The following UFD1 variants were observed in gnomAD, a reference collection of about 807,000 sequenced individuals.
UFD1 encodes ubiquitin recognition factor in ER-associated degradation protein 1.
A neutral mutation model predicts 45.9 loss-of-function variants in UFD1; 13 were observed. The observed-to-expected ratio is 0.28, with a 90% CI of 0.18 to 0.45. The LOEUF (loss-of-function observed/expected upper bound fraction) is 0.45. Among genes scored for constraint, UFD1 ranks in the 20% least tolerant of loss-of-function variants. UFD1 has a pLI of 1.00. For synonymous variants in UFD1, 128 were observed against 139.2 expected, an observed-to-expected ratio of 0.92 and a Z score of 0.56; for missense variants, 218 against 389.2, an observed-to-expected ratio of 0.56 and a Z score of 3.70.
chr22:19,451,086 C>CTGGA lies in UFD1; in HGVS notation c.850-346_850-343dup, dbSNP rs557033031. ...GCTATGATTGTGCCACTGCTCCAGC[C>CTGGA]TGGATGGCAGAGCAACAGAGCAAGA... On this transcript the variant is annotated intron_variant, in intron 11 of 11. Transcript: ENST00000263202. 5.1e-3 allele frequency: 5,047 copies of CTGGA among 993,694 alleles called. 16 individuals carry two copies. The highest frequency in any genetic ancestry group is 5.7e-3 in the Non-Finnish European group (4,805 of 839,772). The allele number at this position is 993,694 out of a possible 1,614,324, so 61.6% of individuals were successfully genotyped here.
chr22:19,457,970 AG>A (rs1374939549), intron 7 of UFD1, 100 bp downstream of exon 7: 9 of 1,200,106 alleles, frequency 7.5e-6, no homozygotes, highest in Non-Finnish European at 9.9e-6. Context: ...CCAGAGTCCC[AG>A]GGGCTGTTTG....
intron 5 of UFD1, 109 bp from the exon 6 acceptor site, chr22:19,465,383 T>C (rs886683363): frequency 1.1e-6 from 1 of 898,472 alleles, no homozygotes; most frequent in South Asian, 1.5e-5. Flanking sequence ...ATGATGGTAC[T>C]TGAAACACGA....
Position 19,470,914 on chromosome 22 carries a change from C to A in UFD1, c.291+773G>T, listed in dbSNP as rs116930267. On this transcript the variant is annotated intron_variant, in intron 4 of 11. Coordinates refer to ENST00000263202, the MANE Select transcript of UFD1 (RefSeq NM_005659.7). ...AGAGTTTCCAGCCCACAGCTCACTG[C>A]GGGGTCTCTCAGTATGCCTGATGTA... 376 of 441,602 alleles carry A rather than the reference C, an allele frequency of 8.5e-4. 3 individuals carry two copies. In the East Asian group the frequency reaches 0.022, roughly 26 times the overall value. 27.4% of individuals were successfully genotyped at this position (441,602 alleles called of 1,614,324 possible).
chr22:19,454,043 CCCG>C (rs1427842241), intron 11 of UFD1: 1 of 985,618 alleles, frequency 1.0e-6, no homozygotes, highest in Non-Finnish European at 1.2e-6. Context: ...CTTCCTCTGT[CCCG>C]CCACCACCCT....
intron 11 of UFD1, chr22:19,452,195 T>A (rs2089688167): frequency 6.5e-6 from 1 of 154,538 alleles, no homozygotes; most frequent in African/African-American, 2.4e-5. Flanking sequence ...TGTCAGCAGG[T>A]TTGGTTTCCT....
At chr22:19,451,716 G>C in intron 11 of UFD1, 1 of 985,434 alleles carries the variant, frequency 1.0e-6, no homozygotes, top group Non-Finnish European at 1.2e-6. Context: ...ATGTAAATTT[G>C]AGTCACAGCT....
At chr22:19,456,480 A>G in intron 9 of UFD1, 107 bp downstream of exon 9, 6 of 1,481,794 alleles carry the variant, frequency 4.0e-6, no homozygotes, top group Non-Finnish European at 5.7e-6. Flanking sequence ...CCAGAGGCCT[A>G]ACCCCTGCTG....
intron 4 of UFD1, chr22:19,470,077 C>T: frequency 3.9e-6 from 2 of 507,026 alleles, no homozygotes; most frequent in Non-Finnish European, 7.9e-6. Flanking sequence ...AGGTGTTCTA[C>T]CGGATGAGCA....
intron 3 of UFD1, among the ~76,000 whole-genome samples, chr22:19,474,415 G>A (rs1037445092): frequency 3.3e-5 from 5 of 152,046 alleles, no homozygotes; most frequent in Non-Finnish European, 4.4e-5. Flanking sequence ...GCGTGGTGGC[G>A]GGTGCCTGTA....
intron 6 of UFD1, among the ~76,000 whole-genome samples, chr22:19,459,393 T>A (rs1389067689): frequency 6.6e-6 from 1 of 152,134 alleles, no homozygotes; most frequent in Non-Finnish European, 1.5e-5. Context: ...GGAGGGCAGA[T>A]CACGAGGTCA....
chr22:19,469,260 C>G (rs2089826710), intron 4 of UFD1, among the ~76,000 whole-genome samples: 1 of 152,160 alleles, frequency 6.6e-6, no homozygotes, highest in Admixed American at 6.5e-5. Context: ...GCGCACTGTC[C>G]CTGGGTAGAT....
At chr22:19,474,860 T>C (rs1231880188) in intron 3 of UFD1, among the ~76,000 whole-genome samples, 1 of 152,072 alleles carries the variant, frequency 6.6e-6, no homozygotes, top group Admixed American at 6.5e-5. Flanking sequence ...CCCAGGGCAG[T>C]GATGAAGCTG....
At chr22:19,469,919 C>A in intron 4 of UFD1, 1 of 518,198 alleles carries the variant, frequency 1.9e-6, no homozygotes, top group East Asian at 5.5e-5. Context: ...AGAGGCCACC[C>A]AAACTTCAAG....
chr22:19,471,686 C>T lies in UFD1; in HGVS notation c.291+1G>A. ...CTAGAGACCCTGGCAGCCCCACTCA[C>T]CCAGTGTGGGAGGTAGCAGATGCCC... On this transcript the variant is annotated splice_donor_variant, in intron 4 of 11. Transcript: ENST00000263202. LOFTEE classifies it high-confidence loss of function. The T allele has an allele frequency of 6.2e-7, 1 of 1,612,612 alleles. No individual in the cohort carries two copies. Among genetic ancestry groups the T allele is most frequent in the South Asian group, 1.1e-5 (1 of 91,010 alleles).
chr22:19,470,536 G>C (rs1338266708), intron 4 of UFD1: 1 of 350,498 alleles, frequency 2.9e-6, no homozygotes, highest in Non-Finnish European at 5.6e-6. Flanking sequence ...AAGCCTCCTG[G>C]GTTTAAGCCA....
intron 1 of UFD1, among the ~76,000 whole-genome samples, chr22:19,478,075 A>G (rs1328473299): frequency 6.6e-6 from 1 of 152,212 alleles, no homozygotes; most frequent in Non-Finnish European, 1.5e-5. Context: ...TTCTCTTTGA[A>G]TATAAAAGGT....
intron 11 of UFD1, chr22:19,454,181 C>G: frequency 1.0e-6 from 1 of 987,084 alleles, no homozygotes; most frequent in Non-Finnish European, 1.2e-6. Flanking sequence ...GACAGAGCTC[C>G]TGACCCCCAT....
rs1347517420 is a variant in UFD1, at chr22:19,479,031, C to T, written c.3+52G>A. 7 of 1,583,144 alleles carry T rather than the reference C, an allele frequency of 4.4e-6. No individual in the cohort carries two copies. The African/African-American group carries it at 6.8e-5, about 15-fold the overall frequency. Reference sequence around the variant, plus strand: ...CCCGCCCTGCCCCGCCGGGCCCTACCTCAGGCCCCGGGCCAAGGCCCAGCC... The same window carrying T: ...CCCGCCCTGCCCCGCCGGGCCCTACTTCAGGCCCCGGGCCAAGGCCCAGCC... On this transcript the variant is annotated intron_variant, in intron 1 of 11. Coordinates refer to ENST00000263202, the MANE Select transcript of UFD1 (RefSeq NM_005659.7).
intron 6 of UFD1, 175 bp downstream of exon 6, chr22:19,465,027 C>T (rs1003507486): frequency 3.2e-6 from 2 of 618,020 alleles, no homozygotes; most frequent in African/African-American, 3.7e-5. Context: ...AACAGAGTTA[C>T]CAAATGAATT....
Sources: gnomAD v4.1 joint callset for allele counts (sites outside exome capture counted in the v4.1 genomes callset) on GRCh38, gnomAD v4.1.1 for gene constraint, MANE v1.5 for transcripts, NCBI Gene and HGNC (gene_info 2026-07-23, HGNC 2026-07-21) for gene names.